Variants in DSCAM observed in about 807,000 individuals in gnomAD.
DSCAM encodes cell adhesion molecule DSCAM.
DSCAM carries 47 observed loss-of-function variants against 217.7 expected under a neutral mutation model. That is an observed-to-expected ratio of 0.22 (90% CI 0.17 to 0.28). The LOEUF (loss-of-function observed/expected upper bound fraction) is 0.28, where lower values mean the gene tolerates loss of function less well. Ranked by LOEUF, DSCAM falls within the 10% of genes least tolerant of loss-of-function variation. The pLI, the probability that DSCAM is intolerant of heterozygous loss-of-function variation, is 1.00. For synonymous variants in DSCAM, 1,056 were observed against 1,015.3 expected, an observed-to-expected ratio of 1.04 and a Z score of -0.76; for missense variants, 2,080 against 2,618.3, an observed-to-expected ratio of 0.79 and a Z score of 4.49.
chr21:40,301,106 G>A (rs761853429), intron 9 of DSCAM, among the ~76,000 whole-genome samples: 3 of 152,150 alleles, frequency 2.0e-5, no homozygotes, highest in Non-Finnish European at 4.4e-5. Context: ...CTACTTTCAA[G>A]GGAACCCAAC....
intron 20 of DSCAM, among the ~76,000 whole-genome samples, chr21:40,110,383 C>T (rs2089880727): frequency 6.6e-6 from 1 of 152,146 alleles, no homozygotes; most frequent in South Asian, 2.1e-4. Flanking sequence ...AACTAACAAA[C>T]AGAAAGGACA....
intron 3 of DSCAM, among the ~76,000 whole-genome samples, chr21:40,431,269 T>C (rs570835593): frequency 6.6e-6 from 1 of 152,374 alleles, no homozygotes; most frequent in South Asian, 2.1e-4. Context: ...CTTCTGCCTC[T>C]GCCCCTCCTG....
chr21:40,646,632 G>A (rs930229700), intron 3 of DSCAM, among the ~76,000 whole-genome samples: 1 of 152,218 alleles, frequency 6.6e-6, no homozygotes, highest in Admixed American at 6.5e-5. Flanking sequence ...CATGAAGCAT[G>A]TAAAAGCGAA....
chr21:40,486,242 G>T (rs762715895), intron 3 of DSCAM, among the ~76,000 whole-genome samples: 3 of 152,116 alleles, frequency 2.0e-5, no homozygotes, highest in Non-Finnish European at 4.4e-5. Context: ...TAATCACCCG[G>T]CATGGTTTAT....
At chr21:40,413,504 G>C (rs1433696457) in intron 3 of DSCAM, among the ~76,000 whole-genome samples, 1 of 152,232 alleles carries the variant, frequency 6.6e-6, no homozygotes, top group Non-Finnish European at 1.5e-5. Flanking sequence ...TACTGGATTT[G>C]GGACTTACAT....
rs1416222506 is a variant in DSCAM at position 40,035,428 on chromosome 21, A to T, written c.5686+6943T>A. 4.6e-3 allele frequency among the ~76,000 whole-genome samples: 557 copies of T among 122,060 alleles called. 2 individuals are homozygous for T. Among genetic ancestry groups the T allele is most frequent in the African/African-American group, 0.019 (529 of 27,536 alleles). 80.1% of individuals were successfully genotyped at this position (122,060 alleles called of 152,430 possible). A position where few individuals can be genotyped will look rare whatever the true frequency, so the allele number is the denominator to read the frequency against. On this transcript the variant is annotated intron_variant, in intron 32 of 32. Transcript: ENST00000400454. Reference sequence around the variant, plus strand: ...CAAAAGAGACAAAGAAGGCCATTACATAATGGTAAAGGGATCAATTCAACA... The same window carrying T: ...CAAAAGAGACAAAGAAGGCCATTACTTAATGGTAAAGGGATCAATTCAACA...
chr21:40,365,592 A>ATATAATTCTGTCC (rs1382500804), intron 4 of DSCAM, among the ~76,000 whole-genome samples: 14 of 152,100 alleles, frequency 9.2e-5, no homozygotes, highest in East Asian at 7.7e-4. Context: ...CCCCTAAAGA[A>ATATAATTCTGTCC]CCCTAATACA....
At chr21:40,060,676 C>T (rs2089103895) in intron 28 of DSCAM, among the ~76,000 whole-genome samples, 1 of 152,142 alleles carries the variant, frequency 6.6e-6, no homozygotes, top group South Asian at 2.1e-4. Context: ...GCTAGTATGG[C>T]CAGGGCATTT....
chr21:40,752,668 CG>C (rs1176717275), intron 1 of DSCAM, among the ~76,000 whole-genome samples: 4 of 152,042 alleles, frequency 2.6e-5, no homozygotes, highest in Admixed American at 2.6e-4. Context: ...GCCTGGGCAT[CG>C]GAGAAAGACC....
intron 3 of DSCAM, among the ~76,000 whole-genome samples, chr21:40,408,600 C>T (rs1048638212): frequency 6.6e-6 from 1 of 152,102 alleles, no homozygotes; most frequent in Non-Finnish European, 1.5e-5. Context: ...GGCATTGGTT[C>T]TTGTAGGTTT....
In DSCAM at chr21:40,099,960, G is replaced by A. The variant is rs1207894944; in HGVS notation, c.3697-6086C>T. Among the ~76,000 whole-genome samples, 8 of 152,204 alleles carry A rather than the reference G, an allele frequency of 5.3e-5. No homozygotes were observed. The East Asian group carries it at 1.5e-3, about 29-fold the overall frequency. ...CTGAGAAGGCTAATGGCGAACCACA[G>A]TGGCAGAGGTTAGCCCTGCTCACAA... is the stretch of plus-strand genomic sequence containing the variant. On this transcript the variant is annotated intron_variant, in intron 20 of 32. Coordinates refer to ENST00000400454, the MANE Select transcript of DSCAM (RefSeq NM_001389.5).
In DSCAM at chr21:40,080,086, AT is replaced by A. The variant is rs1269349487; in HGVS notation, c.4420+65del. ...CGTAAAACATGATGGATCTTTTATG[AT>A]TCCAATCTCCTCTTCTGGCCGGGAA... On this transcript the variant is annotated intron_variant, in intron 25 of 32. Transcript: ENST00000400454. 30 of 1,301,938 alleles carry A rather than the reference AT, an allele frequency of 2.3e-5. 7 individuals carry two copies. In the East Asian group the frequency reaches 7.4e-4, roughly 32 times the overall value. The allele number at this position is 1,301,938 out of a possible 1,614,324, so 80.6% of individuals were successfully genotyped here.
In DSCAM at chr21:40,712,417, T is replaced by TGC. The variant is rs1316652931; in HGVS notation, c.44-3648_44-3647dup. Among the ~76,000 whole-genome samples the TGC allele has an allele frequency of 5.9e-5, 8 of 136,376 alleles. No homozygotes were observed. The East Asian group carries it at 1.3e-3, about 22-fold the overall frequency. The allele number at this position is 136,376 out of a possible 152,430, so 89.5% of individuals were successfully genotyped here. A position where few individuals can be genotyped will look rare whatever the true frequency, so the allele number is the denominator to read the frequency against. On this transcript the variant is annotated intron_variant, in intron 1 of 32. Transcript: ENST00000400454. ...AGCGGAGCTTGCAGTGAGCCGAGAT[T>TGC]GCGCCACTGCAGTCCGCAGTCCGAC...
At chr21:40,114,615 C>T (rs374006640) in intron 20 of DSCAM, among the ~76,000 whole-genome samples, 12 of 151,710 alleles carry the variant, frequency 7.9e-5, no homozygotes, top group Admixed American at 2.0e-4. Context: ...CTACCATCAG[C>T]GTGAACAGGC....
chr21:40,748,343 C>CAA (rs35073664), intron 1 of DSCAM, among the ~76,000 whole-genome samples: 61 of 148,688 alleles, frequency 4.1e-4, no homozygotes, highest in Middle Eastern at 3.5e-3. Context: ...AAGACTCCAT[C>CAA]AAAAAAAAAA....
intron 1 of DSCAM, among the ~76,000 whole-genome samples, chr21:40,759,958 CATTTATTTATTTATTTATTTATTT>C (rs56093065): frequency 0.023 from 3,161 of 135,818 alleles, 46 homozygotes; most frequent in African/African-American, 0.042. Context: ...GATACGTTTA[CATTTATTTATTTATTTATTTATTT>C]ATTTATTTAT....
At chr21:40,231,041 T>C (rs2091377152) in intron 11 of DSCAM, among the ~76,000 whole-genome samples, 1 of 150,310 alleles carries the variant, frequency 6.7e-6, no homozygotes, top group South Asian at 2.1e-4. Context: ...TTAGATCATA[T>C]AGGTAGGCTG....
At chr21:40,480,261 T>G (rs1021734887) in intron 3 of DSCAM, among the ~76,000 whole-genome samples, 4 of 152,208 alleles carry the variant, frequency 2.6e-5, no homozygotes, top group African/African-American at 9.6e-5. Flanking sequence ...AATAGTCTCT[T>G]TCTAGATGTG....
intron 3 of DSCAM, among the ~76,000 whole-genome samples, chr21:40,544,553 C>G (rs550855774): frequency 6.6e-6 from 1 of 152,088 alleles, no homozygotes. Context: ...TCAAGTGATA[C>G]GGCCACAAGC....
Sources: gnomAD v4.1 joint callset for allele counts (sites outside exome capture counted in the v4.1 genomes callset) on GRCh38, gnomAD v4.1.1 for gene constraint, MANE v1.5 for transcripts, NCBI Gene and HGNC (gene_info 2026-07-23, HGNC 2026-07-21) for gene names.